MAP2: variants seen among roughly 807,000 people sequenced by gnomAD.
MAP2 encodes the protein microtubule-associated protein 2.
MAP2 carries 14 observed loss-of-function variants against 137.6 expected under a neutral mutation model. That is an observed-to-expected ratio of 0.10 (90% CI 0.07 to 0.16). The LOEUF is 0.16. Ranked by LOEUF, MAP2 falls within the 10% of genes least tolerant of loss-of-function variation. MAP2 has a pLI of 1.00. For missense variants in MAP2, 2,088 were observed against 2,191.5 expected, an observed-to-expected ratio of 0.95 and a Z score of 0.94; for synonymous variants, 786 against 782.3, an observed-to-expected ratio of 1.00 and a Z score of -0.08.
At position 209,439,259 on chromosome 2, in the gene MAP2, A is replaced by G. The variant is rs147536409; in HGVS notation, c.-222+14983A>G. The stretch of plus-strand genomic sequence containing the variant: ...GCTCTGTTTTGTCATTTATAAGATT[A>G]TACATTTGATTACCTAATTCCATGA... On this transcript the variant is annotated intron_variant, in intron 1 of 15. Coordinates refer to ENST00000682079, the MANE Select transcript of MAP2 (RefSeq NM_001375505.1). Among the ~76,000 whole-genome samples, 764 of 151,692 alleles carry G rather than the reference A, an allele frequency of 5.0e-3. 4 individuals carry two copies. The highest frequency in any genetic ancestry group is 8.9e-3 in the South Asian group (43 of 4,832).
At chr2:209,644,394 A>T (rs538699175) in intron 4 of MAP2, among the ~76,000 whole-genome samples, 1 of 152,230 alleles carries the variant, frequency 6.6e-6, no homozygotes, top group African/African-American at 2.4e-5. Context: ...ACCGGAGCAT[A>T]TGAAATGGAG....
chr2:209,627,137 T>C (rs1372878160), intron 4 of MAP2, among the ~76,000 whole-genome samples: 1 of 152,172 alleles, frequency 6.6e-6, no homozygotes, highest in Non-Finnish European at 1.5e-5. Flanking sequence ...CCAAATATAG[T>C]ATAAATTACT....
chr2:209,517,658 T>C (rs374626579), intron 2 of MAP2, among the ~76,000 whole-genome samples: 1 of 152,168 alleles, frequency 6.6e-6, no homozygotes, highest in East Asian at 1.9e-4. Flanking sequence ...TAGCCATAAA[T>C]GGTATCCCAC....
rs550460854 is a variant in MAP2 at position 209,668,534 on chromosome 2, C to T, written c.263-10038C>T. 5.3e-5 allele frequency among the ~76,000 whole-genome samples: 8 copies of T among 151,730 alleles called. 1 individual carries two copies. The highest frequency in any genetic ancestry group is 3.3e-4 in the Admixed American group (5 of 15,206). ...TATCAATACAGAGTCTAAAAGAAAT[C>T]GTCTTTATTCTAGAATATTTTTGAC... On this transcript the variant is annotated intron_variant, in intron 5 of 15. Coordinates refer to ENST00000682079, the MANE Select transcript of MAP2 (RefSeq NM_001375505.1).
At chr2:209,561,067 G>T (rs1279584874) in intron 2 of MAP2, among the ~76,000 whole-genome samples, 2 of 152,132 alleles carry the variant, frequency 1.3e-5, no homozygotes, top group African/African-American at 4.8e-5. Context: ...GACTATGGTG[G>T]CAAAAGCAGG....
At chr2:209,591,927 T>G (rs1180178369) in intron 3 of MAP2, among the ~76,000 whole-genome samples, 2 of 152,202 alleles carry the variant, frequency 1.3e-5, no homozygotes, top group Non-Finnish European at 2.9e-5. Context: ...CTGTATTTTA[T>G]GTTGATTCAA....
chr2:209,611,227 A>T (rs1226681527), intron 3 of MAP2, among the ~76,000 whole-genome samples: 3 of 152,092 alleles, frequency 2.0e-5, no homozygotes, highest in African/African-American at 7.2e-5. Context: ...CTCAGGGATT[A>T]TATTGAGCAC....
chr2:209,694,008 A>G lies in MAP2; in HGVS notation c.1838A>G (p.His613Arg), dbSNP rs1054202637. 2 of 1,614,030 alleles carry G rather than the reference A, an allele frequency of 1.2e-6. No individual in the cohort carries two copies. The highest frequency in any genetic ancestry group is 2.2e-5 in the South Asian group (2 of 91,056). Reference sequence around the variant, plus strand: ...TCTATTGATACCATGTCTCCCATGCATAAAAATGGTGACAAGGAGTTTCAA... The same window carrying G: ...TCTATTGATACCATGTCTCCCATGCGTAAAAATGGTGACAAGGAGTTTCAA... ...HESIDTMSPM[H>R]KNGDKEFQTG... Residue 613 changes from histidine (H) to arginine (R), a missense_variant, in exon 8 of 16, where the codon CAT becomes CGT. His to Arg is a conservative substitution (Grantham distance 29). Around this residue, in one of 6 missense-constraint regions of MAP2, gnomAD observed 859 missense variants for 794.5 expected, o/e 1.08. Coordinates refer to ENST00000682079, the MANE Select transcript of MAP2 (RefSeq NM_001375505.1).
intron 1 of MAP2, among the ~76,000 whole-genome samples, chr2:209,446,372 T>A (rs1699054531): frequency 1.3e-5 from 2 of 151,696 alleles, no homozygotes; most frequent in South Asian, 4.1e-4. Context: ...TCCTTTCCAT[T>A]GAAAAAGAAA....
intron 1 of MAP2, among the ~76,000 whole-genome samples, chr2:209,434,933 TTA>T (rs200057792): frequency 1.4e-5 from 2 of 142,242 alleles, no homozygotes; most frequent in African/African-American, 2.7e-5. Flanking sequence ...TATATATATG[TTA>T]TATATATGTG....
chr2:209,582,808 A>G (rs1310384328), intron 3 of MAP2, among the ~76,000 whole-genome samples: 2 of 152,140 alleles, frequency 1.3e-5, no homozygotes. Flanking sequence ...TATTAAAAGT[A>G]TAATTTTTTG....
chr2:209,656,955 T>A (rs1439085655), intron 5 of MAP2, among the ~76,000 whole-genome samples: 5 of 152,160 alleles, frequency 3.3e-5, no homozygotes, highest in Non-Finnish European at 7.4e-5. Context: ...GAGTCTCCAA[T>A]GTCTATTATT....
intron 2 of MAP2, among the ~76,000 whole-genome samples, chr2:209,528,851 T>C (rs1348809361): frequency 6.7e-6 from 1 of 149,884 alleles, no homozygotes; most frequent in African/African-American, 2.5e-5. Flanking sequence ...TATATATGTG[T>C]GTGTGTATAT....
At chr2:209,543,010 TATTTC>T (rs1416368726) in intron 2 of MAP2, among the ~76,000 whole-genome samples, 3 of 152,264 alleles carry the variant, frequency 2.0e-5, no homozygotes, top group African/African-American at 7.2e-5. Flanking sequence ...GCTGTTGGCC[TATTTC>T]AGTTTTTAAC....
chr2:209,601,244 G>T (rs932633993), intron 3 of MAP2, among the ~76,000 whole-genome samples: 6 of 151,132 alleles, frequency 4.0e-5, no homozygotes, highest in African/African-American at 1.5e-4. Flanking sequence ...AAACATTATG[G>T]TTATGCGTAG....
intron 2 of MAP2, among the ~76,000 whole-genome samples, chr2:209,515,174 G>C (rs1445237062): frequency 3.9e-5 from 6 of 152,080 alleles, no homozygotes; most frequent in African/African-American, 1.4e-4. Context: ...TTAGTGAAGA[G>C]TTGAGTAAAG....
Position 209,609,766 on chromosome 2 carries a change from G to A in MAP2, c.-106-15287G>A, listed in dbSNP as rs185418487. Among the ~76,000 whole-genome samples, 412 of 152,296 alleles carry A rather than the reference G, an allele frequency of 2.7e-3. 1 individual carries two copies. Among genetic ancestry groups the A allele is most frequent in the Admixed American group, 7.3e-3 (112 of 15,290 alleles). ...TCATTGATTCTTTTTTAAACTGAAAGGAAACCCTGTGGTTATTTAGTCCAG... is the reference window on the plus strand; with the variant it reads ...TCATTGATTCTTTTTTAAACTGAAAAGAAACCCTGTGGTTATTTAGTCCAG... On this transcript the variant is annotated intron_variant, in intron 3 of 15. Transcript: ENST00000682079.
chr2:209,715,107 C>G (rs906017346), intron 13 of MAP2, among the ~76,000 whole-genome samples: 2 of 151,928 alleles, frequency 1.3e-5, no homozygotes, highest in Non-Finnish European at 2.9e-5. Flanking sequence ...TATTAATATA[C>G]TACATTAAAT....
intron 1 of MAP2, among the ~76,000 whole-genome samples, chr2:209,487,680 A>G (rs1048554261): frequency 3.3e-5 from 5 of 152,250 alleles, no homozygotes; most frequent in Admixed American, 6.5e-5. Flanking sequence ...TGATTTGAAT[A>G]AATGGATAAA....
Sources: gnomAD v4.1 joint callset for allele counts (sites outside exome capture counted in the v4.1 genomes callset) on GRCh38, gnomAD v4.1.1 for gene constraint, gnomAD v4.1.1 regional missense constraint, MANE v1.5 for transcripts, NCBI Gene and HGNC (gene_info 2026-07-23, HGNC 2026-07-21) for gene names.